PLCG2: variants seen among roughly 807,000 people sequenced by gnomAD.
PLCG2 encodes the protein phospholipase C gamma 2, also known as 1-phosphatidylinositol 4,5-bisphosphate phosphodiesterase gamma-2.
Under a neutral mutation model 175.6 loss-of-function variants are expected in PLCG2, and 69 were observed. That is an observed-to-expected ratio of 0.39 (90% CI 0.32 to 0.48). PLCG2 has a LOEUF of 0.48. PLCG2 is among the 20% of genes least tolerant of loss of function. The pLI, the probability that PLCG2 is intolerant of heterozygous loss-of-function variation, is 0.91. For synonymous variants in PLCG2, 827 were observed against 624.0 expected, an observed-to-expected ratio of 1.33 and a Z score of -4.85; for missense variants, 1,798 against 1,650.9, an observed-to-expected ratio of 1.09 and a Z score of -1.54.
At chr16:81,901,831 C>G (rs1313852625) in intron 14 of PLCG2, among the ~76,000 whole-genome samples, 5 of 152,218 alleles carry the variant, frequency 3.3e-5, no homozygotes, top group Non-Finnish European at 7.3e-5. Context: ...AGAAACCCAT[C>G]TTTTAGTGTA....
chr16:81,750,194 G>A (rs1164274654), intron 1 of PLCG2, among the ~76,000 whole-genome samples: 1 of 152,156 alleles, frequency 6.6e-6, no homozygotes, highest in Non-Finnish European at 1.5e-5. Flanking sequence ...GATCACCTCA[G>A]GCCAGGAGTT....
intron 2 of PLCG2, among the ~76,000 whole-genome samples, chr16:81,803,607 T>G (rs1369020406): frequency 1.3e-5 from 2 of 149,502 alleles, no homozygotes; most frequent in Non-Finnish European, 3.0e-5. Flanking sequence ...TCCTTTTCTT[T>G]TCTTTTCTTT....
intron 7 of PLCG2, among the ~76,000 whole-genome samples, chr16:81,879,471 C>T (rs968782829): frequency 2.6e-5 from 4 of 152,118 alleles, no homozygotes; most frequent in Admixed American, 1.3e-4. Flanking sequence ...CTGATTATGT[C>T]TCCAGAAGAA....
chr16:81,846,922 A>T (rs555641853), intron 2 of PLCG2, among the ~76,000 whole-genome samples: 2 of 152,070 alleles, frequency 1.3e-5, no homozygotes, highest in Non-Finnish European at 1.5e-5. Flanking sequence ...CAAGCAAACA[A>T]TTCTCCATTG....
chr16:81,786,243 G>A, intron 2 of PLCG2, 61 bp downstream of exon 2: 2 of 1,350,002 alleles, frequency 1.5e-6, no homozygotes, highest in Non-Finnish European at 2.1e-6. Flanking sequence ...CTGAGCACCT[G>A]TCCACCTTCC....
intron 2 of PLCG2, among the ~76,000 whole-genome samples, chr16:81,821,198 A>C (rs540208257): frequency 6.6e-6 from 1 of 152,226 alleles, no homozygotes; most frequent in South Asian, 2.1e-4. Flanking sequence ...GCCTGGCCAC[A>C]TTACCCGCTT....
At chr16:81,838,047 A>T (rs535076790) in intron 2 of PLCG2, among the ~76,000 whole-genome samples, 3 of 151,992 alleles carry the variant, frequency 2.0e-5, no homozygotes, top group Admixed American at 2.0e-4. Context: ...TTCCATTTCC[A>T]AAATTTTAAC....
At chr16:81,865,392 G>A (rs529848223) in intron 5 of PLCG2, among the ~76,000 whole-genome samples, 9 of 152,232 alleles carry the variant, frequency 5.9e-5, no homozygotes, top group Middle Eastern at 3.4e-3. Context: ...GGAGGGGCTC[G>A]CCTAGGGAGA....
chr16:81,925,892 A>AGAG (rs1555521145), intron 22 of PLCG2, among the ~76,000 whole-genome samples: 1 of 134,738 alleles, frequency 7.4e-6, no homozygotes, highest in South Asian at 2.3e-4. Context: ...TCTCAAAAAA[A>AGAG]AAAAAAAAAA....
At chr16:81,762,041 G>A (rs908045794) in intron 2 of PLCG2, among the ~76,000 whole-genome samples, 1 of 151,524 alleles carries the variant, frequency 6.6e-6, no homozygotes, top group Non-Finnish European at 1.5e-5. Context: ...CTATGTGGTG[G>A]CTAGGGTTGT....
Position 81,957,939 on chromosome 16 carries a change from A to G in PLCG2, c.3756-17A>G, listed in dbSNP as rs953693978. 1 of 1,612,624 alleles carries G rather than the reference A, an allele frequency of 6.2e-7. No homozygotes were observed. ...TCTCATGGCCCACTGCTGATGGTGA[A>G]ATCTGTTTTATTTCAGGTTAAGAGA... On this transcript the variant is annotated splice_polypyrimidine_tract_variant and intron_variant, in intron 32 of 32. Coordinates refer to ENST00000564138, the MANE Select transcript of PLCG2 (RefSeq NM_002661.5).
intron 2 of PLCG2, among the ~76,000 whole-genome samples, chr16:81,844,587 G>T (rs546949364): frequency 3.3e-5 from 5 of 152,186 alleles, no homozygotes; most frequent in Non-Finnish European, 7.3e-5. Flanking sequence ...CTCCCAAATC[G>T]CTGGGATTAC....
At chr16:81,745,101 C>T (rs192413366) in intron 1 of PLCG2, among the ~76,000 whole-genome samples, 22 of 152,256 alleles carry the variant, frequency 1.4e-4, no homozygotes, top group African/African-American at 5.1e-4. Flanking sequence ...TGTAAATGAC[C>T]TCCAGCAACG....
chr16:81,759,838 C>T lies in PLCG2; in HGVS notation c.-48+3872C>T, dbSNP rs139434493. On this transcript the variant is annotated intron_variant, in intron 2 of 5. Coordinates refer to the PLCG2 transcript ENST00000565054. The stretch of plus-strand genomic sequence containing the variant: ...AGTTTTCTTTCTATAGTTAAGAATA[C>T]AATGTAGGCCGGGCGTGGTGGCTCA... Among the ~76,000 whole-genome samples the T allele has an allele frequency of 4.5e-3, 688 of 152,268 alleles. 16 individuals are homozygous for T. Among genetic ancestry groups the T allele is most frequent in the Admixed American group, 0.038 (585 of 15,290 alleles).
chr16:81,790,391 A>T (rs1911177455), intron 2 of PLCG2, among the ~76,000 whole-genome samples: 1 of 152,220 alleles, frequency 6.6e-6, no homozygotes, highest in South Asian at 2.1e-4. Flanking sequence ...AGTGACAGGG[A>T]AAGCCAATTA....
chr16:81,870,781 C>G, intron 6 of PLCG2, 71 bp from the exon 7 acceptor site: 3 of 776,168 alleles, frequency 3.9e-6, no homozygotes, highest in Non-Finnish European at 6.3e-6. Flanking sequence ...AAAAATTATT[C>G]TATAAATAGC....
At chr16:81,792,480 CAAAAAAAAAAAAAA>C (rs532680550) in intron 2 of PLCG2, among the ~76,000 whole-genome samples, 6 of 70,162 alleles carry the variant, frequency 8.6e-5, no homozygotes, top group African/African-American at 2.0e-4. Context: ...GGCTCTGTCT[CAAAAAAAAAAAAAA>C]AAAAAAAAAA....
intron 3 of PLCG2, among the ~76,000 whole-genome samples, chr16:81,857,794 T>C (rs1040854566): frequency 1.3e-4 from 20 of 152,248 alleles, no homozygotes; most frequent in Non-Finnish European, 2.5e-4. Flanking sequence ...TAATGGCTGC[T>C]ATGAGCTGTG....
chr16:81,888,276 C>T (rs1283969711), intron 9 of PLCG2, among the ~76,000 whole-genome samples: 6 of 152,040 alleles, frequency 3.9e-5, no homozygotes, highest in African/African-American at 1.5e-4. Context: ...AATGGTACAA[C>T]CTCGGTTCAT....
Sources: gnomAD v4.1 joint callset for allele counts (sites outside exome capture counted in the v4.1 genomes callset) on GRCh38, gnomAD v4.1.1 for gene constraint, MANE v1.5 for transcripts, NCBI Gene and HGNC (gene_info 2026-07-23, HGNC 2026-07-21) for gene names.